Variants in MVB12B observed in about 807,000 individuals in gnomAD.
The protein encoded by MVB12B is multivesicular body subunit 12B.
In MVB12B, 16 loss-of-function variants were observed where a neutral mutation model predicts 41.6. That is an observed-to-expected ratio of 0.38 (90% confidence interval 0.26 to 0.58). The LOEUF is 0.58. Ranked by LOEUF, MVB12B falls within the 20% of genes least tolerant of loss-of-function variation. The pLI is 0.62. For missense variants in MVB12B, 274 were observed against 380.2 expected, an observed-to-expected ratio of 0.72 and a Z score of 2.32; for synonymous variants, 133 against 139.7, an observed-to-expected ratio of 0.95 and a Z score of 0.34.
intron 6 of MVB12B, chr9:126,396,982 C>G (rs1831134745): frequency 1.0e-6 from 1 of 985,466 alleles, no homozygotes; most frequent in Admixed American, 6.1e-5. Context: ...CTGAGGGTCA[C>G]TGTCTCCTGT....
At chr9:126,402,878 G>C (rs900866143) in intron 6 of MVB12B, among the ~76,000 whole-genome samples, 1 of 152,198 alleles carries the variant, frequency 6.6e-6, no homozygotes, top group Admixed American at 6.5e-5. Flanking sequence ...TGTAGCGCAG[G>C]GTTCTTTACA....
At chr9:126,453,244 C>T (rs79960378) in intron 7 of MVB12B, among the ~76,000 whole-genome samples, 22 of 152,320 alleles carry the variant, frequency 1.4e-4, no homozygotes, top group Non-Finnish European at 2.2e-4. Context: ...GCCACCTCCC[C>T]GTGAGCATCC....
chr9:126,477,471 A>G (rs935976839), intron 7 of MVB12B, among the ~76,000 whole-genome samples: 8 of 152,234 alleles, frequency 5.3e-5, no homozygotes, highest in African/African-American at 1.9e-4. Flanking sequence ...TTTATAAAGA[A>G]AGAGAGGTTT....
chr9:126,432,810 CGTG>C (rs1373755803), intron 7 of MVB12B, among the ~76,000 whole-genome samples: 15 of 152,258 alleles, frequency 9.9e-5, no homozygotes, highest in African/African-American at 3.6e-4. Flanking sequence ...GCACAGGTTG[CGTG>C]TGACCGTTTC....
intron 1 of MVB12B, among the ~76,000 whole-genome samples, chr9:126,334,462 C>G (rs1564277114): frequency 6.6e-6 from 1 of 152,212 alleles, no homozygotes; most frequent in Non-Finnish European, 1.5e-5. Flanking sequence ...GGCCTGAAGA[C>G]AGGTGTTCTG....
intron 7 of MVB12B, among the ~76,000 whole-genome samples, chr9:126,457,860 A>G (rs1282598766): frequency 6.6e-6 from 1 of 152,210 alleles, no homozygotes; most frequent in Non-Finnish European, 1.5e-5. Context: ...TGCTTGTCCA[A>G]TAGCCTCGCT....
intron 7 of MVB12B, among the ~76,000 whole-genome samples, chr9:126,432,393 A>G (rs1832352736): frequency 6.6e-6 from 1 of 152,164 alleles, no homozygotes; most frequent in Non-Finnish European, 1.5e-5. Flanking sequence ...GCTTATACCA[A>G]ATTAGCCTTT....
At chr9:126,416,344 C>A (rs976289302) in intron 6 of MVB12B, among the ~76,000 whole-genome samples, 3 of 152,188 alleles carry the variant, frequency 2.0e-5, no homozygotes, top group Non-Finnish European at 2.9e-5. Flanking sequence ...CCATGTGACT[C>A]CCTGGTGCTG....
intron 2 of MVB12B, among the ~76,000 whole-genome samples, chr9:126,371,776 T>C (rs559631129): frequency 6.6e-6 from 1 of 152,360 alleles, no homozygotes; most frequent in South Asian, 2.1e-4. Flanking sequence ...ATAAGATCTT[T>C]ACTTTAAGGA....
chr9:126,387,099 C>A (rs1437706217), intron 4 of MVB12B, among the ~76,000 whole-genome samples: 2 of 152,012 alleles, frequency 1.3e-5, no homozygotes, highest in East Asian at 3.9e-4. Flanking sequence ...AAGTGAGAAT[C>A]AAAAAGACTG....
chr9:126,407,225 C>T (rs1831462400), intron 6 of MVB12B, among the ~76,000 whole-genome samples: 1 of 152,146 alleles, frequency 6.6e-6, no homozygotes, highest in Non-Finnish European at 1.5e-5. Context: ...TTATGCCTTT[C>T]ACCCAAAAAG....
intron 9 of MVB12B, among the ~76,000 whole-genome samples, chr9:126,501,318 C>A (rs1833951149): frequency 6.6e-6 from 1 of 152,186 alleles, no homozygotes; most frequent in African/African-American, 2.4e-5. Context: ...GACATGGGCG[C>A]ATCACCCCAC....
intron 7 of MVB12B, among the ~76,000 whole-genome samples, chr9:126,428,792 C>A (rs1274430777): frequency 6.6e-6 from 1 of 152,154 alleles, no homozygotes; most frequent in Non-Finnish European, 1.5e-5. Context: ...TTCCTGATAA[C>A]CACCAAGGAG....
At chr9:126,482,361 G>A (rs1466992728) in intron 8 of MVB12B, among the ~76,000 whole-genome samples, 2 of 152,236 alleles carry the variant, frequency 1.3e-5, no homozygotes, top group Non-Finnish European at 2.9e-5. Flanking sequence ...AAAACCACCC[G>A]GCTTGCGATT....
chr9:126,401,721 A>G (rs1001026031), intron 6 of MVB12B, among the ~76,000 whole-genome samples: 8 of 152,336 alleles, frequency 5.3e-5, no homozygotes, highest in Admixed American at 1.3e-4. Flanking sequence ...TCATTGTCAG[A>G]AGCCCATGAG....
chr9:126,405,966 A>G (rs1204953171), intron 6 of MVB12B, among the ~76,000 whole-genome samples: 7 of 151,186 alleles, frequency 4.6e-5, no homozygotes, highest in Admixed American at 4.6e-4. Context: ...ACAGAGATAG[A>G]TATATATGTA....
At chr9:126,442,651 T>C (rs1832668435) in intron 7 of MVB12B, among the ~76,000 whole-genome samples, 1 of 152,182 alleles carries the variant, frequency 6.6e-6, no homozygotes, top group Non-Finnish European at 1.5e-5. Flanking sequence ...CTTGTGTCTT[T>C]GCACTCTGGG....
intron 7 of MVB12B, among the ~76,000 whole-genome samples, chr9:126,460,016 TC>T (rs1833057073): frequency 6.6e-6 from 1 of 152,220 alleles, no homozygotes; most frequent in African/African-American, 2.4e-5. Flanking sequence ...AGCCGTGGCC[TC>T]TGCAGTGTTC....
intron 6 of MVB12B, among the ~76,000 whole-genome samples, chr9:126,398,081 C>T (rs533178361): frequency 4.7e-4 from 71 of 152,230 alleles, no homozygotes; most frequent in African/African-American, 1.6e-3. Flanking sequence ...CTGGCTTCTG[C>T]GCCTTTGCTC....
Sources: allele counts gnomAD v4.1 joint callset (sites outside exome capture counted in the v4.1 genomes callset), GRCh38; gene constraint gnomAD v4.1.1; transcripts MANE v1.5; gene names NCBI Gene and HGNC (gene_info 2026-07-23, HGNC 2026-07-21).